The following RAP1GAP variants were observed in gnomAD, a reference collection of about 807,000 sequenced individuals.
RAP1GAP encodes the protein rap1 GTPase-activating protein 1.
RAP1GAP carries 35 observed loss-of-function variants against 87.2 expected under a neutral mutation model. The observed-to-expected ratio is 0.40, with a 90% CI of 0.31 to 0.53. RAP1GAP has a LOEUF of 0.53. Among genes scored for constraint, RAP1GAP ranks in the 20% least tolerant of loss-of-function variants. RAP1GAP has a pLI of 0.48. For missense variants in RAP1GAP, 734 were observed against 898.9 expected, an observed-to-expected ratio of 0.82 and a Z score of 2.35; for synonymous variants, 375 against 363.9, an observed-to-expected ratio of 1.03 and a Z score of -0.35.
intron 1 of RAP1GAP, among the ~76,000 whole-genome samples, chr1:21,666,606 GA>G (rs1161867847): frequency 1.3e-5 from 2 of 152,170 alleles, no homozygotes; most frequent in Non-Finnish European, 2.9e-5. Flanking sequence ...AATCAGAAAA[GA>G]GGGAGGAAGG....
In RAP1GAP at chr1:21,615,018, G is replaced by A. The variant is rs1164645915; in HGVS notation, c.292-929C>T. Among the ~76,000 whole-genome samples, 2 of 152,208 alleles carry A rather than the reference G, an allele frequency of 1.3e-5. No homozygotes were observed. The highest frequency in any genetic ancestry group is 3.8e-4 in the East Asian group (2 of 5,200). On this transcript the variant is annotated intron_variant, in intron 7 of 24. Coordinates refer to ENST00000374765, the MANE Select transcript of RAP1GAP (RefSeq NM_002885.4). The surrounding 1 kb of genome is among the most constrained non-coding windows in gnomAD (Gnocchi z 4.5). The stretch of plus-strand genomic sequence containing the variant: ...GCTCAGGGGCATTCTCAATGGACCT[G>A]GGGCAGAGTCCCCCAGCTCTGCCTG...
intron 2 of RAP1GAP, among the ~76,000 whole-genome samples, chr1:21,638,312 C>G (rs1050359092): frequency 1.3e-5 from 2 of 151,876 alleles, no homozygotes; most frequent in Non-Finnish European, 2.9e-5. Flanking sequence ...ACAAAATCAG[C>G]CGGACATGGT....
At chr1:21,620,721 G>T (rs1023574207) in intron 3 of RAP1GAP, among the ~76,000 whole-genome samples, 1 of 152,138 alleles carries the variant, frequency 6.6e-6, no homozygotes. Flanking sequence ...CGGCTGGCCC[G>T]GCTCGGGGCT....
At chr1:21,602,336 G>A (rs1019367439) in intron 19 of RAP1GAP, among the ~76,000 whole-genome samples, 6 of 152,214 alleles carry the variant, frequency 3.9e-5, no homozygotes, top group South Asian at 4.1e-4. Flanking sequence ...GGTTAATATC[G>A]GGGAGGCAGC....
chr1:21,598,897 T>A (rs1365868777), intron 21 of RAP1GAP, among the ~76,000 whole-genome samples: 1 of 152,260 alleles, frequency 6.6e-6, no homozygotes, highest in African/African-American at 2.4e-5. Context: ...CCCAGCTGTA[T>A]CTGTTGTATC....
intron 2 of RAP1GAP, among the ~76,000 whole-genome samples, chr1:21,649,478 A>G (rs1167041708): frequency 6.6e-6 from 1 of 152,200 alleles, no homozygotes; most frequent in Non-Finnish European, 1.5e-5. Flanking sequence ...TTTAATCCCC[A>G]TTTCACAGAT....
chr1:21,625,214 G>A (rs765429427), intron 3 of RAP1GAP, among the ~76,000 whole-genome samples: 55 of 152,322 alleles, frequency 3.6e-4, no homozygotes, highest in Middle Eastern at 6.8e-3. Context: ...GGCAAGGTAC[G>A]TGGCCTTTAT....
At chr1:21,624,335 A>G (rs72660334) in intron 3 of RAP1GAP, among the ~76,000 whole-genome samples, 3 of 152,214 alleles carry the variant, frequency 2.0e-5, no homozygotes, top group Non-Finnish European at 2.9e-5. Context: ...TTTCCAAAGT[A>G]CTTTCACCCA....
chr1:21,608,823 C>A, intron 16 of RAP1GAP, 27 bp downstream of exon 16: 1 of 1,591,640 alleles, frequency 6.3e-7, no homozygotes, highest in South Asian at 1.1e-5. Flanking sequence ...AGAAGAGGGT[C>A]ACCCAGCCCT....
At chr1:21,620,220 A>G (rs377734267) in intron 3 of RAP1GAP, among the ~76,000 whole-genome samples, 170 bp from the exon 4 acceptor site, 16 of 152,248 alleles carry the variant, frequency 1.1e-4, no homozygotes, top group African/African-American at 3.6e-4. Flanking sequence ...TCTGTGTGGG[A>G]GAACCACAGG....
At chr1:21,658,721 G>A (rs917644928) in intron 1 of RAP1GAP, among the ~76,000 whole-genome samples, 6 of 151,934 alleles carry the variant, frequency 3.9e-5, no homozygotes, top group East Asian at 1.9e-4. Flanking sequence ...TCTCTATTAC[G>A]ATAATTTTAA....
intron 13 of RAP1GAP, among the ~76,000 whole-genome samples, chr1:21,611,180 TCTG>T (rs1158443390): frequency 6.6e-6 from 1 of 152,190 alleles, no homozygotes; most frequent in Non-Finnish European, 1.5e-5. Context: ...CCAGCTCAGA[TCTG>T]CTGAACTCTT....
At chr1:21,599,070 TGA>T (rs1375730514) in intron 21 of RAP1GAP, among the ~76,000 whole-genome samples, 1 of 152,122 alleles carries the variant, frequency 6.6e-6, no homozygotes, top group East Asian at 1.9e-4. Context: ...AGGAGGTGTG[TGA>T]GACTCAGTCA....
At position 21,603,906 on chromosome 1, in the gene RAP1GAP, G is replaced by T. The variant is rs1448999610; in HGVS notation, c.1429-993C>A. 1 of 1,540,470 alleles carries T rather than the reference G, an allele frequency of 6.5e-7. No homozygotes were observed. The highest frequency in any genetic ancestry group is 8.8e-7 in the Non-Finnish European group (1 of 1,138,562). ...CTACTCGCACTTTTCCCAGGAATAA[G>T]CAATGACTGGCAAGCAGCAGAGGGC... On this transcript the variant is annotated intron_variant, in intron 18 of 24. Transcript: ENST00000374765. The surrounding 1 kb of genome is among the most constrained non-coding windows in gnomAD (Gnocchi z 6.0).
chr1:21,597,732 C>CAG lies in RAP1GAP; in HGVS notation c.1984-6_1984-5dup. 1 of 1,613,576 alleles carries CAG rather than the reference C, an allele frequency of 6.2e-7. No homozygotes were observed. The highest frequency in any genetic ancestry group is 8.5e-7 in the Non-Finnish European group (1 of 1,179,668). On this transcript the variant is annotated splice_region_variant and splice_polypyrimidine_tract_variant and intron_variant, in intron 23 of 24. Transcript: ENST00000374765. ...GGGGGTGGCCCGGCTAACAGCCCTGCAGACAGACAGTGGTGGTGAGGCAGG... is the reference window on the plus strand; with the variant it reads ...GGGGGTGGCCCGGCTAACAGCCCTGCAGAGACAGACAGTGGTGGTGAGGCAGG...
intron 1 of RAP1GAP, among the ~76,000 whole-genome samples, chr1:21,656,761 C>T (rs829405): frequency 0.52 from 78,647 of 152,064 alleles, 20,815 homozygotes; most frequent in East Asian, 0.69. Flanking sequence ...TTAAAGGGAC[C>T]CCATCAGGGA....
rs1427207460 is a variant in RAP1GAP, at chr1:21,612,083, G to A, written c.555C>T (p.Asp185=). The change falls in exon 11 of 25, where the codon GAC becomes GAT. Residue 185 remains aspartate, a synonymous_variant. Transcript: ENST00000374765. ...PKASRLIVTF[D]EHVISNNFKF... is the part of the protein sequence containing the mutation. ...TGAAGTTATTGCTGATGACATGCTC[G>A]TCAAAGGTGACGATGAGCCGGGAAG... 4.5e-6 allele frequency: 7 copies of A among 1,553,446 alleles called. No individual in the cohort carries two copies. Among genetic ancestry groups the A allele is most frequent in the Non-Finnish European group, 6.1e-6 (7 of 1,147,780 alleles).
At chr1:21,652,705 T>G (rs774403965) in intron 1 of RAP1GAP, among the ~76,000 whole-genome samples, 6 of 152,174 alleles carry the variant, frequency 3.9e-5, no homozygotes, top group African/African-American at 7.2e-5. Flanking sequence ...GTCGCTCTTC[T>G]GCACCCAGCT....
In RAP1GAP at chr1:21,620,099, C is replaced by CAGAGG. The variant is rs763860144; in HGVS notation, c.-18-54_-18-50dup. 3 of 1,610,322 alleles carry CAGAGG rather than the reference C, an allele frequency of 1.9e-6. No homozygotes were observed. In the African/African-American group the frequency reaches 4.0e-5, roughly 22 times the overall value. On this transcript the variant is annotated intron_variant, in intron 3 of 24. Coordinates refer to ENST00000374765, the MANE Select transcript of RAP1GAP (RefSeq NM_002885.4). ...GAGGTCAGCTGATCCCGCCAAGCCCCAGAGGAGTCTCCACCCGCCCCGGCC... is the reference window on the plus strand; with the variant it reads ...GAGGTCAGCTGATCCCGCCAAGCCCCAGAGGAGAGGAGTCTCCACCCGCCCCGGCC...
Sources: gnomAD v4.1 joint callset for allele counts (sites outside exome capture counted in the v4.1 genomes callset) on GRCh38, gnomAD v4.1.1 for gene constraint, Gnocchi (gnomAD v3.1) non-coding constraint, MANE v1.5 for transcripts, NCBI Gene and HGNC (gene_info 2026-07-23, HGNC 2026-07-21) for gene names.